The following AUTS2 variants were observed in gnomAD, a reference collection of about 807,000 sequenced individuals.
AUTS2 encodes activator of transcription and developmental regulator AUTS2.
Under a neutral mutation model 112.4 loss-of-function variants are expected in AUTS2, and 17 were observed. That is an observed-to-expected ratio of 0.15 (90% confidence interval 0.10 to 0.23). AUTS2 has a LOEUF of 0.23. AUTS2 is among the 10% of genes least tolerant of loss of function. The probability of loss-of-function intolerance (pLI) is 1.00; values close to 1 mark genes in which losing one functional copy is unlikely to be tolerated. For synonymous variants in AUTS2, 751 were observed against 702.7 expected (o/e 1.07, Z -1.09); for missense variants, 1,510 against 1,701.6 (o/e 0.89, Z 1.98).
chr7:70,131,761 G>T (rs1806283821), intron 3 of AUTS2, among the ~76,000 whole-genome samples: 1 of 151,934 alleles, frequency 6.6e-6, no homozygotes, highest in Non-Finnish European at 1.5e-5. Flanking sequence ...GGGCCTTTTG[G>T]ATGCGAGACC....
At chr7:69,630,314 A>G (rs1335286129) in intron 1 of AUTS2, among the ~76,000 whole-genome samples, 1 of 152,166 alleles carries the variant, frequency 6.6e-6, no homozygotes, top group Non-Finnish European at 1.5e-5. Flanking sequence ...CCATGTCAGG[A>G]ATTTCCTCTG....
intron 4 of AUTS2, among the ~76,000 whole-genome samples, chr7:70,237,193 A>G (rs575324235): frequency 3.9e-5 from 6 of 152,308 alleles, no homozygotes; most frequent in Admixed American, 1.3e-4. Context: ...TAGGTGCTCA[A>G]TAAAAAATAT....
chr7:70,754,663 G>C (rs561366056), intron 6 of AUTS2, among the ~76,000 whole-genome samples: 1 of 152,318 alleles, frequency 6.6e-6, no homozygotes, highest in South Asian at 2.1e-4. Context: ...GTGATCTGTA[G>C]TCTTTCTGTG....
At chr7:70,281,279 A>C (rs1015641151) in intron 4 of AUTS2, among the ~76,000 whole-genome samples, 1 of 152,190 alleles carries the variant, frequency 6.6e-6, no homozygotes, top group Non-Finnish European at 1.5e-5. Context: ...TGGCAGCCTC[A>C]TCTATGCTGT....
chr7:69,937,116 C>T (rs956355203), intron 2 of AUTS2, among the ~76,000 whole-genome samples: 2 of 152,038 alleles, frequency 1.3e-5, no homozygotes, highest in Admixed American at 6.6e-5. Flanking sequence ...TGAGTATGCA[C>T]GAGGGACTGT....
At chr7:70,257,622 G>GTT (rs768640377) in intron 4 of AUTS2, among the ~76,000 whole-genome samples, 75 of 139,718 alleles carry the variant, frequency 5.4e-4, no homozygotes, top group Middle Eastern at 3.7e-3. Flanking sequence ...CTGGCCTGAA[G>GTT]TTTTTTTTTT....
intron 5 of AUTS2, among the ~76,000 whole-genome samples, chr7:70,488,372 A>G (rs1798101670): frequency 6.6e-6 from 1 of 151,812 alleles, no homozygotes; most frequent in Non-Finnish European, 1.5e-5. Flanking sequence ...TTTTGTTTCC[A>G]CTCACACTGA....
intron 1 of AUTS2, among the ~76,000 whole-genome samples, chr7:69,667,791 G>T (rs1402714183): frequency 6.6e-6 from 1 of 152,030 alleles, no homozygotes. Context: ...ATCCAGTAGC[G>T]GCAATTACCA....
intron 1 of AUTS2, among the ~76,000 whole-genome samples, chr7:69,602,945 TTATTGAAC>T (rs1466864182): frequency 6.6e-6 from 1 of 152,240 alleles, no homozygotes; most frequent in African/African-American, 2.4e-5. Flanking sequence ...TCTGGAAGAT[TTATTGAAC>T]TATCACCAAG....
rs781281055 is a variant in AUTS2 at position 70,156,891 on chromosome 7, T to TAAAAAAAAAAAAAAAAAAA, written c.660+22338_660+22356dup. On this transcript the variant is annotated intron_variant, in intron 4 of 18. Transcript: ENST00000342771. Reference sequence around the variant, plus strand: ...AGTGAAACCCCATCTCTACTAAAAGTAAAAAAAAAAAAAAAAAAAAAAAAA... The same window carrying TAAAAAAAAAAAAAAAAAAA: ...AGTGAAACCCCATCTCTACTAAAAGTAAAAAAAAAAAAAAAAAAAAAAAAAAAAAAAAAAAAAAAAAAAA... 4.0e-4 allele frequency among the ~76,000 whole-genome samples: 15 copies of TAAAAAAAAAAAAAAAAAAA among 37,876 alleles called. 2 individuals carry two copies. The highest frequency in any genetic ancestry group is 1.5e-3 in the African/African-American group (14 of 9,052). The allele number at this position is 37,876 out of a possible 152,430, so 24.8% of individuals were successfully genotyped here. A position where few individuals can be genotyped will look rare whatever the true frequency, so the allele number is the denominator to read the frequency against.
rs5884790 is a variant in AUTS2, at chr7:70,639,616, CAAAAAAA to C, written c.691-58939_691-58933del. On this transcript the variant is annotated intron_variant, in intron 5 of 18. Coordinates refer to ENST00000342771, the MANE Select transcript of AUTS2 (RefSeq NM_015570.4). ...TGGGTGATAGAGCGAGACCCTGTCT[CAAAAAAA>C]AAAAAAAAAAAAATAGGGAATCAGT... Among the ~76,000 whole-genome samples the C allele has an allele frequency of 5.3e-5, 4 of 75,078 alleles. 1 individual carries two copies. In the Admixed American group the frequency reaches 5.8e-4, roughly 11 times the overall value. The allele number at this position is 75,078 out of a possible 152,430, so 49.3% of individuals were successfully genotyped here.
intron 5 of AUTS2, among the ~76,000 whole-genome samples, chr7:70,654,282 A>G (rs1204891034): frequency 6.6e-6 from 1 of 152,210 alleles, no homozygotes. Flanking sequence ...CTAGATAGTA[A>G]ATATTTGAGG....
intron 1 of AUTS2, among the ~76,000 whole-genome samples, chr7:69,682,645 A>G (rs927140168): frequency 2.0e-5 from 3 of 152,240 alleles, no homozygotes; most frequent in African/African-American, 7.2e-5. Context: ...AGGTGAGTAG[A>G]TATTTTATAT....
chr7:70,100,256 A>G (rs1283948968), intron 2 of AUTS2, among the ~76,000 whole-genome samples: 3 of 152,170 alleles, frequency 2.0e-5, no homozygotes, highest in Non-Finnish European at 4.4e-5. Context: ...CTGGTTTATA[A>G]CCATCTTTGC....
intron 4 of AUTS2, among the ~76,000 whole-genome samples, chr7:70,183,583 A>G (rs1343471097): frequency 6.6e-6 from 1 of 152,342 alleles, no homozygotes; most frequent in Non-Finnish European, 1.5e-5. Context: ...GGACAGGGCT[A>G]TCAGCCCTGC....
At chr7:70,096,599 T>TAAAAAAAAAAA (rs374942971) in intron 2 of AUTS2, among the ~76,000 whole-genome samples, 1 of 84,660 alleles carries the variant, frequency 1.2e-5, no homozygotes, top group Non-Finnish European at 2.4e-5. Context: ...AACTCCATCT[T>TAAAAAAAAAAA]AAAAAAAAAA....
rs1453073513 is a variant in AUTS2 at position 69,736,147 on chromosome 7, C to CT, written c.309+136191dup. Among the ~76,000 whole-genome samples the CT allele has an allele frequency of 5.9e-5, 9 of 152,032 alleles. No individual in the cohort carries two copies. The East Asian group carries it at 7.7e-4, about 13-fold the overall frequency. The stretch of plus-strand genomic sequence containing the variant: ...TGGTACTTTGTGAACCTTTTTTTCT[C>CT]TTTTTTCTGTCATCCTGGAGACTTC... On this transcript the variant is annotated intron_variant, in intron 1 of 18. Transcript: ENST00000342771.
chr7:70,155,502 G>A (rs1807698112), intron 4 of AUTS2, among the ~76,000 whole-genome samples: 1 of 150,558 alleles, frequency 6.6e-6, no homozygotes, highest in Non-Finnish European at 1.5e-5. Context: ...TTGTAATTTA[G>A]AAGGAGAAAA....
chr7:70,457,320 G>A (rs1318815008), intron 5 of AUTS2, among the ~76,000 whole-genome samples: 1 of 152,180 alleles, frequency 6.6e-6, no homozygotes, highest in East Asian at 1.9e-4. Context: ...CATGCCACAG[G>A]TGGTGCTTAG....
Sources: allele counts gnomAD v4.1 joint callset (sites outside exome capture counted in the v4.1 genomes callset), GRCh38; gene constraint gnomAD v4.1.1; transcripts MANE v1.5; gene names NCBI Gene and HGNC (gene_info 2026-07-23, HGNC 2026-07-21).